PTPRD: variants seen among roughly 807,000 people sequenced by gnomAD.
The protein encoded by PTPRD is protein tyrosine phosphatase receptor type D.
A neutral mutation model predicts 214.5 loss-of-function variants in PTPRD; 34 were observed. The ratio of observed to expected loss-of-function variants is 0.16; its 90% CI spans 0.12 to 0.21. The LOEUF (loss-of-function observed/expected upper bound fraction) is 0.21. PTPRD is among the 10% of genes least tolerant of loss of function. The pLI, the probability that PTPRD is intolerant of heterozygous loss-of-function variation, is 1.00. For synonymous variants in PTPRD, 1,128 were observed against 845.7 expected, an observed-to-expected ratio of 1.33 and a Z score of -5.79; for missense variants, 2,545 against 2,398.7, an observed-to-expected ratio of 1.06 and a Z score of -1.27.
intron 9 of PTPRD, among the ~76,000 whole-genome samples, chr9:9,376,962 C>G (rs1355299649): frequency 6.6e-6 from 1 of 151,866 alleles, no homozygotes; most frequent in Non-Finnish European, 1.5e-5. Flanking sequence ...TTCTAGGGAG[C>G]ACTCAATATA....
At chr9:8,612,489 G>T (rs2095485217) in intron 14 of PTPRD, among the ~76,000 whole-genome samples, 3 of 152,180 alleles carry the variant, frequency 2.0e-5, no homozygotes, top group Admixed American at 1.3e-4. Flanking sequence ...AAAGGAAGCT[G>T]TTCAATTAAG....
At chr9:9,890,040 C>G (rs1018117289) in intron 5 of PTPRD, among the ~76,000 whole-genome samples, 3 of 152,038 alleles carry the variant, frequency 2.0e-5, no homozygotes, top group East Asian at 3.9e-4. Context: ...GCATGGATTT[C>G]AGATCTAAGA....
rs185992422 is a variant in PTPRD, at chr9:9,871,418, C to T, written c.-368+67089G>A. ...GTCTATTCTCCATTTTGAATATTTT[C>T]TGATATTTTACTGCAATATCCTCTC... On this transcript the variant is annotated intron_variant, in intron 5 of 45. Transcript: ENST00000381196. Among the ~76,000 whole-genome samples the T allele has an allele frequency of 3.9e-5, 6 of 152,254 alleles. No homozygotes were observed. In the East Asian group the frequency reaches 1.2e-3, roughly 29 times the overall value.
chr9:9,952,273 G>A (rs1256373566), intron 4 of PTPRD, among the ~76,000 whole-genome samples: 1 of 152,154 alleles, frequency 6.6e-6, no homozygotes, highest in Non-Finnish European at 1.5e-5. Flanking sequence ...ATTGGGCTCT[G>A]TAGTGGAATT....
chr9:8,328,399 T>C (rs1179721699), intron 44 of PTPRD, among the ~76,000 whole-genome samples: 1 of 152,190 alleles, frequency 6.6e-6, no homozygotes, highest in Admixed American at 6.5e-5. Flanking sequence ...GTTAGTCTGA[T>C]GTGCTTCCCT....
At chr9:9,808,864 T>C (rs1277673349) in intron 5 of PTPRD, among the ~76,000 whole-genome samples, 2 of 152,080 alleles carry the variant, frequency 1.3e-5, no homozygotes, top group Non-Finnish European at 2.9e-5. Context: ...CTCAAACTCC[T>C]GGGCTCAAGC....
At chr9:9,627,369 T>C (rs1211796759) in intron 7 of PTPRD, among the ~76,000 whole-genome samples, 2 of 152,230 alleles carry the variant, frequency 1.3e-5, no homozygotes, top group Non-Finnish European at 2.9e-5. Flanking sequence ...TCAATTCTCC[T>C]GCTTAATTTG....
At chr9:8,782,235 A>G (rs1400425944) in intron 11 of PTPRD, among the ~76,000 whole-genome samples, 1 of 152,170 alleles carries the variant, frequency 6.6e-6, no homozygotes, top group Non-Finnish European at 1.5e-5. Flanking sequence ...GGATCAAGCT[A>G]ATTAAAATAT....
At chr9:10,210,224 T>G (rs535362813) in intron 3 of PTPRD, among the ~76,000 whole-genome samples, 206 of 152,282 alleles carry the variant, frequency 1.4e-3, no homozygotes, top group Non-Finnish European at 2.1e-3. Context: ...ATTCACCAAT[T>G]ACATTTAAGA....
At chr9:9,793,068 T>C (rs775348045) in intron 5 of PTPRD, among the ~76,000 whole-genome samples, 1 of 152,162 alleles carries the variant, frequency 6.6e-6, no homozygotes, top group African/African-American at 2.4e-5. Context: ...TGTGTGTGAA[T>C]GGATATGGAT....
At chr9:9,874,614 C>T (rs1340524998) in intron 5 of PTPRD, among the ~76,000 whole-genome samples, 1 of 152,102 alleles carries the variant, frequency 6.6e-6, no homozygotes, top group Non-Finnish European at 1.5e-5. Flanking sequence ...ATTCCTCGTT[C>T]TCTTTTATCT....
chr9:8,558,452 C>T (rs1220139450), intron 14 of PTPRD, among the ~76,000 whole-genome samples: 5 of 152,124 alleles, frequency 3.3e-5, no homozygotes, highest in Non-Finnish European at 5.9e-5. Context: ...ATGCCACGTG[C>T]CACATCCTAA....
chr9:10,300,907 G>A (rs2095844195), intron 3 of PTPRD, among the ~76,000 whole-genome samples: 1 of 152,096 alleles, frequency 6.6e-6, no homozygotes, highest in African/African-American at 2.4e-5. Flanking sequence ...CACAGTGTTC[G>A]AGCTCTGATA....
intron 3 of PTPRD, among the ~76,000 whole-genome samples, chr9:10,287,782 T>A (rs2154398205): frequency 6.6e-6 from 1 of 152,184 alleles, no homozygotes; most frequent in South Asian, 2.1e-4. Context: ...AACTAGCAAC[T>A]ATCCCAATTT....
At chr9:9,493,071 G>A (rs1001839035) in intron 8 of PTPRD, among the ~76,000 whole-genome samples, 3 of 150,780 alleles carry the variant, frequency 2.0e-5, no homozygotes, top group Non-Finnish European at 4.4e-5. Flanking sequence ...ATTGAAATTA[G>A]GCCAATCAAT....
At chr9:9,066,336 C>T (rs324504) in intron 10 of PTPRD, among the ~76,000 whole-genome samples, 148,393 of 152,198 alleles carry the variant, frequency 0.97, 72,468 homozygotes, top group Middle Eastern at 1. Context: ...ACATATTTAA[C>T]CTCTAAAAGA....
intron 2 of PTPRD, among the ~76,000 whole-genome samples, chr9:10,366,247 G>A (rs1598226996): frequency 2.0e-5 from 3 of 152,174 alleles, no homozygotes; most frequent in African/African-American, 4.8e-5. Flanking sequence ...ATCTCTTTCT[G>A]GAAACCCAAC....
intron 11 of PTPRD, among the ~76,000 whole-genome samples, chr9:8,851,320 T>C (rs1207452609): frequency 6.6e-6 from 1 of 152,234 alleles, no homozygotes; most frequent in Non-Finnish European, 1.5e-5. Flanking sequence ...TAATAAAATT[T>C]AGACTTTAGA....
chr9:8,587,799 A>G (rs1022924499), intron 14 of PTPRD, among the ~76,000 whole-genome samples: 10 of 152,246 alleles, frequency 6.6e-5, no homozygotes, highest in African/African-American at 2.4e-4. Context: ...GGAAAGGACA[A>G]AACTTAAAGA....
Sources: gnomAD v4.1 joint callset for allele counts (sites outside exome capture counted in the v4.1 genomes callset) on GRCh38, gnomAD v4.1.1 for gene constraint, MANE v1.5 for transcripts, NCBI Gene and HGNC (gene_info 2026-07-23, HGNC 2026-07-21) for gene names.